The following COL12A1 variants were observed in gnomAD, a reference collection of about 807,000 sequenced individuals.
COL12A1 encodes collagen type XII alpha 1 chain, also known as collagen alpha-1(XII) chain.
COL12A1 carries 114 observed loss-of-function variants against 349.7 expected under a neutral mutation model. That is an observed-to-expected ratio of 0.33 (90% CI 0.28 to 0.38). The LOEUF (loss-of-function observed/expected upper bound fraction) is 0.38, where lower values mean the gene tolerates loss of function less well. Among genes scored for constraint, COL12A1 ranks in the 10% least tolerant of loss-of-function variants. The pLI, the probability that COL12A1 is intolerant of heterozygous loss-of-function variation, is 1.00. For missense variants in COL12A1, 3,284 were observed against 3,756.9 expected (o/e 0.87, Z 3.29); for synonymous variants, 1,369 against 1,329.0 (o/e 1.03, Z -0.66).
chr6:75,085,474 A>G lies in COL12A1; in HGVS notation c.*1073T>C, dbSNP rs1767445504. On this transcript the variant is annotated 3_prime_UTR_variant, in exon 66 of 66. Coordinates refer to ENST00000322507, the MANE Select transcript of COL12A1 (RefSeq NM_004370.6). ...GTGATGGCACTCCAGTCTTAATCTCATAACTATAAATAGATAAGTTACAAT... is the reference window on the plus strand; with the variant it reads ...GTGATGGCACTCCAGTCTTAATCTCGTAACTATAAATAGATAAGTTACAAT... 2.9e-6 allele frequency: 1 copy of G among 350,776 alleles called. No individual in the cohort carries two copies. 21.7% of individuals were successfully genotyped at this position (350,776 alleles called of 1,614,324 possible).
chr6:75,203,340 G>A (rs1051630445), intron 1 of COL12A1, among the ~76,000 whole-genome samples: 1 of 152,144 alleles, frequency 6.6e-6, no homozygotes, highest in African/African-American at 2.4e-5. Context: ...AGCTCTTTAA[G>A]ATCTGAAATG....
intron 52 of COL12A1, among the ~76,000 whole-genome samples, chr6:75,106,893 CTTTTTCTTTTTTTTTT>C (rs1562125394): frequency 3.4e-5 from 3 of 89,468 alleles, no homozygotes; most frequent in Non-Finnish European, 4.8e-5. Flanking sequence ...TTTCTTTTTT[CTTTTTCTTTTTTTTTT>C]TTTTTTTTTT....
chr6:75,142,243 G>T, intron 26 of COL12A1, 82 bp from the exon 27 acceptor site: 1 of 1,490,118 alleles, frequency 6.7e-7, no homozygotes, highest in Non-Finnish European at 9.2e-7. Context: ...GTACCTGTCA[G>T]CGTAAGAATA....
intron 58 of COL12A1, 116 bp downstream of exon 58, chr6:75,101,484 G>GCTTTGCAT: frequency 1.0e-6 from 1 of 967,380 alleles, no homozygotes; most frequent in East Asian, 2.6e-5. Context: ...CAGCTTTGCA[G>GCTTTGCAT]CTTTCCACAA....
intron 2 of COL12A1, among the ~76,000 whole-genome samples, chr6:75,196,228 C>T (rs1166020909): frequency 6.6e-6 from 1 of 152,198 alleles, no homozygotes; most frequent in Non-Finnish European, 1.5e-5. Context: ...CTTTCAGCCA[C>T]ACTCTTCTTA....
At position 75,097,255 on chromosome 6, in the gene COL12A1, G is replaced by C; in HGVS notation, c.8575C>G (p.Pro2859Ala). The change falls in exon 59 of 66, where the codon CCG (proline) becomes GCG (alanine). Residue 2859 changes from proline (P) to alanine (A), a missense_variant and splice_region_variant. Pro to Ala is a conservative substitution (Grantham distance 27). Around this residue, in one of 2 missense-constraint regions of COL12A1, gnomAD observed 683 missense variants for 932.1 expected, o/e 0.73. Transcript: ENST00000322507. Reference protein sequence around the residue: ...AMGPRGPPGPPGSPGSPGVTG... With the variant: ...AMGPRGPPGPAGSPGSPGVTG... ...AATGAGACACATTTAGTTCTTACCG[G>C]CGGCCCTGGTGGGCCCCTGGGTCCC... 1 of 1,613,674 alleles carries C rather than the reference G, an allele frequency of 6.2e-7. No homozygotes were observed. The highest frequency in any genetic ancestry group is 8.5e-7 in the Non-Finnish European group (1 of 1,179,700).
At chr6:75,165,842 T>C (rs1768269440) in intron 13 of COL12A1, 63 bp from the exon 14 acceptor site, 1 of 1,478,446 alleles carries the variant, frequency 6.8e-7, no homozygotes, top group Admixed American at 1.9e-5. Flanking sequence ...AAGTATTATA[T>C]TCATTGATCC....
intron 47 of COL12A1, 89 bp downstream of exon 47, chr6:75,117,293 C>G: frequency 7.4e-7 from 1 of 1,351,734 alleles, no homozygotes; most frequent in Non-Finnish European, 1.0e-6. Context: ...TATGCACAGA[C>G]TTGATCCCAC....
Position 75,085,424 on chromosome 6 carries a change from AG to A in COL12A1, c.*1122del. 22 of 455,948 alleles carry A rather than the reference AG, an allele frequency of 4.8e-5. No individual in the cohort carries two copies. The highest frequency in any genetic ancestry group is 7.9e-5 in the Non-Finnish European group (17 of 215,872). 28.2% of individuals were successfully genotyped at this position (455,948 alleles called of 1,614,324 possible). A position where few individuals can be genotyped will look rare whatever the true frequency, so the allele number is the denominator to read the frequency against. On this transcript the variant is annotated 3_prime_UTR_variant, in exon 66 of 66. Coordinates refer to ENST00000322507, the MANE Select transcript of COL12A1 (RefSeq NM_004370.6). ...TTGGAAGGCACACACACACACACAC[AG>A]CAAAAGCTAAATCATCACCCGCGGT... is the stretch of plus-strand genomic sequence containing the variant.
In COL12A1 at chr6:75,177,839, C is replaced by T. The variant is rs377480187; in HGVS notation, c.2261G>A (p.Arg754Gln). ...ACCAGCAACTGGTCTATATATAATT[C>T]GATATCTTAAAACTCTCCCTGGAGC... The part of the protein sequence containing the change: ...TQAPGRVLRY[R>Q]IIYRPVAGGE... The change falls in exon 12 of 66, where the codon CGA becomes CAA. Residue 754 changes from arginine (R) to glutamine (Q), a missense_variant. Arg to Gln is a conservative substitution (Grantham distance 43). Transcript: ENST00000322507. 1.7e-5 allele frequency: 28 copies of T among 1,614,030 alleles called. No individual in the cohort carries two copies. The highest frequency in any genetic ancestry group is 9.9e-5 in the South Asian group (9 of 91,074).
chr6:75,091,856 T>G (rs773423374), intron 60 of COL12A1, among the ~76,000 whole-genome samples: 18 of 152,198 alleles, frequency 1.2e-4, no homozygotes, highest in Non-Finnish European at 2.4e-4. Flanking sequence ...AAAATACATA[T>G]GAAGATTGCC....
intron 41 of COL12A1, 49 bp downstream of exon 41, chr6:75,124,206 T>G (rs758534001): frequency 3.1e-6 from 5 of 1,594,690 alleles, no homozygotes; most frequent in Non-Finnish European, 4.3e-6. Flanking sequence ...AAATTTAAAA[T>G]GTTTCCACTA....
At chr6:75,123,257 T>G (rs1320636354) in intron 43 of COL12A1, 73 bp downstream of exon 43, 2 of 1,204,266 alleles carry the variant, frequency 1.7e-6, no homozygotes, top group Non-Finnish European at 2.4e-6. Flanking sequence ...TTGTAAATGA[T>G]GCACATGCAG....
intron 51 of COL12A1, among the ~76,000 whole-genome samples, chr6:75,110,184 G>A (rs1768763942): frequency 6.6e-6 from 1 of 151,846 alleles, no homozygotes; most frequent in Non-Finnish European, 1.5e-5. Context: ...AACTCAAGAA[G>A]AACACCATGC....
intron 26 of COL12A1, among the ~76,000 whole-genome samples, chr6:75,142,655 C>T (rs1766959720): frequency 6.6e-6 from 1 of 152,188 alleles, no homozygotes; most frequent in Non-Finnish European, 1.5e-5. Context: ...GAAATGACTC[C>T]TATGTTCCAA....
rs140737783 is a variant in COL12A1, at chr6:75,124,181, G to C, written c.6724+74C>G. 1.5e-5 allele frequency: 24 copies of C among 1,591,058 alleles called. No individual in the cohort carries two copies. In the African/African-American group the frequency reaches 2.8e-4, roughly 19 times the overall value. ...ATATCGCATTGTTATAAACAAAATG[G>C]CATCTTCTTTACTGAAATTTAAAAT... On this transcript the variant is annotated intron_variant, in intron 41 of 65. Transcript: ENST00000322507.
chr6:75,171,160 C>T (rs1268296134), intron 13 of COL12A1, among the ~76,000 whole-genome samples: 1 of 152,180 alleles, frequency 6.6e-6, no homozygotes, highest in Non-Finnish European at 1.5e-5. Context: ...AGTTCAATTA[C>T]ATATACAGTA....
Position 75,165,529 on chromosome 6 carries a change from C to G in COL12A1, c.2961G>C (p.Leu987Phe). The G allele has an allele frequency of 6.2e-7, 1 of 1,613,714 alleles. No homozygotes were observed. The highest frequency in any genetic ancestry group is 8.5e-7 in the Non-Finnish European group (1 of 1,179,828). Residue 987 changes from leucine to phenylalanine, a missense_variant, in exon 14 of 66, where the codon TTG becomes TTC. Physicochemically the swap from Leu to Phe is conservative, Grantham distance 22. Transcript: ENST00000322507. ...ATYSSGEGEP[L>F]TGDATTELSQ... Reference sequence around the variant, plus strand: ...TACATTCAGTTGTGGCATCTCCAGTCAAAGGTTCTCCTTCTCCACTGCTGT... The same window carrying G: ...TACATTCAGTTGTGGCATCTCCAGTGAAAGGTTCTCCTTCTCCACTGCTGT...
At chr6:75,182,974 G>T in intron 10 of COL12A1, 76 bp downstream of exon 10, 1 of 1,484,808 alleles carries the variant, frequency 6.7e-7, no homozygotes, top group Non-Finnish European at 9.0e-7. Flanking sequence ...AATTGAACAA[G>T]CATATTATCC....
Sources: gnomAD v4.1 joint callset for allele counts (sites outside exome capture counted in the v4.1 genomes callset) on GRCh38, gnomAD v4.1.1 for gene constraint, gnomAD v4.1.1 regional missense constraint, MANE v1.5 for transcripts, NCBI Gene and HGNC (gene_info 2026-07-23, HGNC 2026-07-21) for gene names.